NTM: variants seen among roughly 807,000 people sequenced by gnomAD.
NTM encodes the protein neurotrimin.
A neutral mutation model predicts 42.1 loss-of-function variants in NTM; 13 were observed. The observed-to-expected ratio is 0.31, with a 90% confidence interval of 0.20 to 0.49. The LOEUF (loss-of-function observed/expected upper bound fraction) is 0.49, where lower values mean the gene tolerates loss of function less well. Among genes scored for constraint, NTM ranks in the 20% least tolerant of loss-of-function variants. NTM has a pLI of 0.99. For synonymous variants in NTM, 187 were observed against 179.2 expected, an observed-to-expected ratio of 1.04 and a Z score of -0.35; for missense variants, 373 against 452.8, an observed-to-expected ratio of 0.82 and a Z score of 1.60.
intron 1 of NTM, among the ~76,000 whole-genome samples, chr11:131,773,789 A>G (rs1450729689): frequency 6.6e-6 from 1 of 152,222 alleles, no homozygotes; most frequent in Non-Finnish European, 1.5e-5. Context: ...AGGAGTGGTT[A>G]GTAACCTGAC....
intron 3 of NTM, among the ~76,000 whole-genome samples, chr11:132,147,175 T>TTGTGTGTGTGTGTGTG (rs751528769): frequency 3.2e-5 from 4 of 123,524 alleles, no homozygotes; most frequent in Non-Finnish European, 6.6e-5. Flanking sequence ...CCTTGTATGT[T>TTGTGTGTGTGTGTGTG]TGTGTGTGTG....
chr11:131,874,030 A>AATATAATATAATATAATATATATATAT (rs1491528420), intron 1 of NTM, among the ~76,000 whole-genome samples: 1 of 76,634 alleles, frequency 1.3e-5, no homozygotes, highest in African/African-American at 3.7e-5. Flanking sequence ...AATATAATAT[A>AATATAATATAATATAATATATATATAT]ATATATATAT....
At chr11:131,841,872 A>T (rs2044298914) in intron 1 of NTM, among the ~76,000 whole-genome samples, 1 of 152,200 alleles carries the variant, frequency 6.6e-6, no homozygotes, top group Non-Finnish European at 1.5e-5. Flanking sequence ...CCCACTCAGA[A>T]ATCTGTGATT....
chr11:131,911,536 C>T lies in NTM; in HGVS notation c.83-28C>T, dbSNP rs1225569998. The T allele has an allele frequency of 6.2e-7, 1 of 1,614,080 alleles. No homozygotes were observed. Among genetic ancestry groups the T allele is most frequent in the Non-Finnish European group, 8.5e-7 (1 of 1,180,036 alleles). ...CTGGAAGTGCCTCGTGGTCGTGTCT[C>T]TCAGGCTGCTGTTCCTTGTACCCAC... On this transcript the variant is annotated intron_variant, in intron 1 of 8. Coordinates refer to ENST00000683400, the MANE Select transcript of NTM (RefSeq NM_001352005.2).
At chr11:132,270,171 A>T (rs1037512254) in intron 4 of NTM, among the ~76,000 whole-genome samples, 1 of 152,084 alleles carries the variant, frequency 6.6e-6, no homozygotes, top group Admixed American at 6.6e-5. Context: ...TCTCTGTGAG[A>T]TTTGTCTTTA....
In NTM at chr11:131,720,482, A is replaced by G. The variant is rs145456448; in HGVS notation, c.83-191082A>G. Among the ~76,000 whole-genome samples, 36 of 152,296 alleles carry G rather than the reference A, an allele frequency of 2.4e-4. 1 individual carries two copies. The East Asian group carries it at 6.0e-3, about 25-fold the overall frequency. ...CTGGTTCAACCTGGAAAAGTCATCC[A>G]TTTTTCCATTCAACAGATACATATT... On this transcript the variant is annotated intron_variant, in intron 1 of 8. Coordinates refer to ENST00000683400, the MANE Select transcript of NTM (RefSeq NM_001352005.2).
chr11:131,678,562 G>C (rs548567907), intron 1 of NTM, among the ~76,000 whole-genome samples: 1 of 152,322 alleles, frequency 6.6e-6, no homozygotes, highest in Non-Finnish European at 1.5e-5. Flanking sequence ...TGCAGGAAAG[G>C]CCTGACTACT....
At position 131,691,717 on chromosome 11, in the gene NTM, G is replaced by A. The variant is rs1009883786; in HGVS notation, c.83-219847G>A. On this transcript the variant is annotated intron_variant, in intron 1 of 8. Coordinates refer to ENST00000683400, the MANE Select transcript of NTM (RefSeq NM_001352005.2). ...CTCGGCCCCGCCAGGTGGCGCTGGC[G>A]CGTTCTTTCCGCGGCGCGGGGCTGA... 6.6e-5 allele frequency among the ~76,000 whole-genome samples: 10 copies of A among 152,316 alleles called. No homozygotes were observed. In the East Asian group the frequency reaches 1.4e-3, roughly 21 times the overall value.
At chr11:131,865,051 G>A (rs1013212912) in intron 1 of NTM, among the ~76,000 whole-genome samples, 4 of 152,216 alleles carry the variant, frequency 2.6e-5, no homozygotes, top group Admixed American at 2.6e-4. Flanking sequence ...CCTGCCTCAA[G>A]TTGCCCAGTC....
At chr11:132,206,192 C>A (rs182062146) in intron 3 of NTM, among the ~76,000 whole-genome samples, 2 of 152,300 alleles carry the variant, frequency 1.3e-5, no homozygotes, top group East Asian at 1.9e-4. Context: ...TTAACAGATT[C>A]TTTTTCTTAA....
chr11:131,978,612 G>C (rs906813645), intron 2 of NTM, among the ~76,000 whole-genome samples: 1 of 151,890 alleles, frequency 6.6e-6, no homozygotes, highest in Non-Finnish European at 1.5e-5. Context: ...GACTGTTCCC[G>C]AGGCTCCCGC....
At chr11:131,768,765 T>C (rs549260130) in intron 1 of NTM, among the ~76,000 whole-genome samples, 1 of 152,276 alleles carries the variant, frequency 6.6e-6, no homozygotes, top group Non-Finnish European at 1.5e-5. Flanking sequence ...GGGAACTCTA[T>C]TGTTATTATT....
intron 4 of NTM, among the ~76,000 whole-genome samples, chr11:132,289,407 T>A (rs958335947): frequency 6.6e-6 from 1 of 152,198 alleles, no homozygotes; most frequent in Non-Finnish European, 1.5e-5. Flanking sequence ...TCCACACAAG[T>A]TCAGAGTGAA....
At chr11:132,330,956 G>C (rs1017019248) in intron 8 of NTM, among the ~76,000 whole-genome samples, 6 of 152,180 alleles carry the variant, frequency 3.9e-5, no homozygotes, top group Non-Finnish European at 8.8e-5. Flanking sequence ...TGTGGTCCAC[G>C]CCCACCTGGA....
chr11:132,073,525 A>G (rs2057977202), intron 2 of NTM, among the ~76,000 whole-genome samples: 1 of 152,200 alleles, frequency 6.6e-6, no homozygotes, highest in Non-Finnish European at 1.5e-5. Flanking sequence ...TCTTTCCAAA[A>G]AAGATCACTG....
intron 1 of NTM, among the ~76,000 whole-genome samples, chr11:131,806,349 A>G (rs2092480194): frequency 6.6e-6 from 1 of 152,212 alleles, no homozygotes; most frequent in Non-Finnish European, 1.5e-5. Context: ...TCTTTTGAAA[A>G]AAGATATGTG....
At chr11:131,564,514 AT>A (rs2056642007) in intron 1 of NTM, among the ~76,000 whole-genome samples, 1 of 149,478 alleles carries the variant, frequency 6.7e-6, no homozygotes, top group Non-Finnish European at 1.5e-5. Flanking sequence ...TTTTTTTTTT[AT>A]TTTTCCAGCT....
intron 1 of NTM, among the ~76,000 whole-genome samples, chr11:131,796,780 C>T (rs7949732): frequency 0.76 from 115,205 of 152,086 alleles, 44,543 homozygotes; most frequent in African/African-American, 0.9. Context: ...AGCACAGTAA[C>T]AGCAGTTCTC....
intron 1 of NTM, among the ~76,000 whole-genome samples, chr11:131,696,909 G>A (rs2075522143): frequency 2.0e-5 from 3 of 151,984 alleles, no homozygotes; most frequent in South Asian, 4.1e-4. Context: ...GACATTCCTC[G>A]GGTTATGGAA....
Sources: gnomAD v4.1 joint callset for allele counts (sites outside exome capture counted in the v4.1 genomes callset) on GRCh38, gnomAD v4.1.1 for gene constraint, MANE v1.5 for transcripts, NCBI Gene and HGNC (gene_info 2026-07-23, HGNC 2026-07-21) for gene names.